IGF2BP2: variants seen among roughly 807,000 people sequenced by gnomAD.
IGF2BP2 encodes insulin like growth factor 2 mRNA binding protein 2, also known as insulin-like growth factor 2 mRNA-binding protein 2.
In IGF2BP2, 17 loss-of-function variants were observed where a neutral mutation model predicts 75.8. The observed-to-expected ratio is 0.22, with a 90% CI of 0.15 to 0.34. IGF2BP2 has a LOEUF of 0.34. Ranked by LOEUF, IGF2BP2 falls within the 10% of genes least tolerant of loss-of-function variation. The probability of loss-of-function intolerance (pLI) is 1.00; values close to 1 mark genes in which losing one functional copy is unlikely to be tolerated. For synonymous variants in IGF2BP2, 288 were observed against 295.6 expected (o/e 0.97, Z 0.26); for missense variants, 516 against 772.4 (o/e 0.67, Z 3.93).
chr3:185,811,830 G>GTCTGTCTCTCTC (rs1739881258), intron 2 of IGF2BP2, among the ~76,000 whole-genome samples: 4 of 120,694 alleles, frequency 3.3e-5, no homozygotes, highest in Non-Finnish European at 7.0e-5. Context: ...AGAGTAGGGT[G>GTCTGTCTCTCTC]TCTCTCTCTC....
chr3:185,693,487 T>C (rs1248817317), intron 4 of IGF2BP2, among the ~76,000 whole-genome samples: 1 of 152,210 alleles, frequency 6.6e-6, no homozygotes, highest in Non-Finnish European at 1.5e-5. Context: ...ACTCTTTGAC[T>C]GTGTGGGTTA....
chr3:185,765,218 A>G (rs1222017059), intron 2 of IGF2BP2, among the ~76,000 whole-genome samples: 3 of 152,152 alleles, frequency 2.0e-5, no homozygotes, highest in Non-Finnish European at 4.4e-5. Flanking sequence ...TCTGCTCTAC[A>G]CACTGTTTCC....
At chr3:185,718,642 A>G (rs557862084) in intron 2 of IGF2BP2, among the ~76,000 whole-genome samples, 9 of 132,978 alleles carry the variant, frequency 6.8e-5, no homozygotes, top group African/African-American at 2.0e-4. Flanking sequence ...CTGAGATCAC[A>G]CCACCGCACT....
intron 3 of IGF2BP2, among the ~76,000 whole-genome samples, chr3:185,697,884 G>T (rs1463356074): frequency 6.6e-6 from 1 of 152,070 alleles, no homozygotes; most frequent in Non-Finnish European, 1.5e-5. Flanking sequence ...CAGGAGGCTG[G>T]GGTGGGAAGA....
chr3:185,810,655 G>A (rs938150717), intron 2 of IGF2BP2, among the ~76,000 whole-genome samples: 3 of 151,834 alleles, frequency 2.0e-5, no homozygotes, highest in South Asian at 2.1e-4. Flanking sequence ...ACACCTGTAA[G>A]CCCAGTTACT....
At chr3:185,776,331 T>C (rs980521769) in intron 2 of IGF2BP2, among the ~76,000 whole-genome samples, 26 of 152,108 alleles carry the variant, frequency 1.7e-4, no homozygotes, top group Admixed American at 1.6e-3. Context: ...ATAGGTAGTA[T>C]GGAGTAGAGA....
At chr3:185,680,752 T>G (rs1331557311) in intron 7 of IGF2BP2, among the ~76,000 whole-genome samples, 3 of 152,120 alleles carry the variant, frequency 2.0e-5, no homozygotes, top group African/African-American at 4.8e-5. Flanking sequence ...AAGACCAGGC[T>G]GGGAAACGTA....
intron 2 of IGF2BP2, among the ~76,000 whole-genome samples, chr3:185,768,279 C>T (rs1404034349): frequency 6.6e-6 from 1 of 152,162 alleles, no homozygotes; most frequent in African/African-American, 2.4e-5. Flanking sequence ...ATTAAAACAT[C>T]CTCAGCCAGA....
At chr3:185,824,607 A>G (rs1741797415) in intron 1 of IGF2BP2, among the ~76,000 whole-genome samples, 176 bp downstream of exon 1, 1 of 148,548 alleles carries the variant, frequency 6.7e-6, no homozygotes, top group Non-Finnish European at 1.5e-5. Context: ...GGGGGAGGGG[A>G]GCGGGCCGTC....
intron 2 of IGF2BP2, among the ~76,000 whole-genome samples, chr3:185,739,981 G>A (rs1283278523): frequency 2.0e-5 from 3 of 151,152 alleles, no homozygotes; most frequent in Admixed American, 6.6e-5. Context: ...TCACCCTCCT[G>A]AGTAGCTGGT....
At chr3:185,822,989 G>C (rs1278733467) in intron 2 of IGF2BP2, among the ~76,000 whole-genome samples, 164 bp downstream of exon 2, 1 of 145,270 alleles carries the variant, frequency 6.9e-6, no homozygotes, top group South Asian at 2.2e-4. Context: ...TATAATGAAA[G>C]TAAAAAAAAA....
intron 15 of IGF2BP2, 186 bp downstream of exon 15, chr3:185,646,839 G>C (rs1178453141): frequency 1.6e-6 from 1 of 606,436 alleles, no homozygotes; most frequent in East Asian, 2.8e-5. Context: ...TGACAGTGGA[G>C]AGAAGTGTGA....
chr3:185,643,787 T>TC lies in IGF2BP2; in HGVS notation c.*1743_*1744insG, dbSNP rs1001484208. The stretch of plus-strand genomic sequence containing the variant: ...GTTTTTTCTTTTTTTTTCTTTTTTT[T>TC]TTTTTTTTTTTTGTCACAGAACACT... On this transcript the variant is annotated 3_prime_UTR_variant, in exon 16 of 16. Coordinates refer to ENST00000382199, the MANE Select transcript of IGF2BP2 (RefSeq NM_006548.6). 2.7e-5 allele frequency: 4 copies of TC among 147,286 alleles called. No homozygotes were observed. The highest frequency in any genetic ancestry group is 1.0e-4 in the African/African-American group (4 of 39,780). 9.1% of individuals were successfully genotyped at this position (147,286 alleles called of 1,614,324 possible). A position where few individuals can be genotyped will look rare whatever the true frequency, so the allele number is the denominator to read the frequency against.
chr3:185,806,855 G>A (rs780498015), intron 2 of IGF2BP2, among the ~76,000 whole-genome samples: 13 of 152,138 alleles, frequency 8.5e-5, no homozygotes, highest in East Asian at 3.8e-4. Context: ...GGCCTGATGC[G>A]TTGTAGTTTT....
chr3:185,668,508 GATATATAT>G (rs755033940), intron 10 of IGF2BP2, among the ~76,000 whole-genome samples: 1 of 125,786 alleles, frequency 8.0e-6, no homozygotes, highest in Non-Finnish European at 1.6e-5. Flanking sequence ...GAGAGAGAGA[GATATATAT>G]ATATATATAT....
chr3:185,681,518 T>C (rs2149274866), intron 7 of IGF2BP2, among the ~76,000 whole-genome samples: 1 of 152,240 alleles, frequency 6.6e-6, no homozygotes, highest in East Asian at 1.9e-4. Context: ...CCGAAAGTGA[T>C]CTACAGATTC....
At chr3:185,646,919 C>A in intron 15 of IGF2BP2, 106 bp downstream of exon 15, 2 of 803,324 alleles carry the variant, frequency 2.5e-6, no homozygotes, top group Admixed American at 1.9e-5. Context: ...TCCATCTTGG[C>A]GTGGATTGAT....
At chr3:185,713,568 T>G in intron 2 of IGF2BP2, 2 of 499,082 alleles carry the variant, frequency 4.0e-6, no homozygotes, top group South Asian at 2.9e-5. Flanking sequence ...AAATTGTTTA[T>G]TTCACATGGA....
At chr3:185,757,062 C>G (rs1286057568) in intron 2 of IGF2BP2, among the ~76,000 whole-genome samples, 1 of 152,216 alleles carries the variant, frequency 6.6e-6, no homozygotes, top group East Asian at 1.9e-4. Flanking sequence ...CTAGCCGTAT[C>G]TCTATCCTAG....
Sources: allele counts gnomAD v4.1 joint callset (sites outside exome capture counted in the v4.1 genomes callset), GRCh38; gene constraint gnomAD v4.1.1; transcripts MANE v1.5; gene names NCBI Gene and HGNC (gene_info 2026-07-23, HGNC 2026-07-21).